The following WDR93 variants were observed in gnomAD, a reference collection of about 807,000 sequenced individuals.
WDR93 encodes WD repeat-containing protein 93.
WDR93 carries 73 observed loss-of-function variants against 82.9 expected under a neutral mutation model. The ratio of observed to expected loss-of-function variants is 0.88; its 90% CI spans 0.73 to 1.07. WDR93 has a LOEUF of 1.07. WDR93 is among the 50% of genes least tolerant of loss of function. The pLI is 0.00. For missense variants in WDR93, 738 were observed against 826.0 expected (o/e 0.89, Z 1.31); for synonymous variants, 283 against 300.1 (o/e 0.94, Z 0.59).
chr15:89,712,900 G>T (rs1042728851), intron 5 of WDR93, among the ~76,000 whole-genome samples: 2 of 152,046 alleles, frequency 1.3e-5, no homozygotes, highest in African/African-American at 4.8e-5. Flanking sequence ...CAAGGCAGGC[G>T]GATCACCTGA....
intron 3 of WDR93, 28 bp downstream of exon 3, chr15:89,703,170 C>A (rs183370937): frequency 1.2e-6 from 2 of 1,612,770 alleles, no homozygotes; most frequent in South Asian, 2.2e-5. Context: ...CCTTTTTAGC[C>A]TCATTTACAG....
intron 8 of WDR93, 113 bp from the exon 9 acceptor site, chr15:89,727,044 A>G (rs1966764858): frequency 8.0e-7 from 1 of 1,251,894 alleles, no homozygotes; most frequent in Admixed American, 2.2e-5. Context: ...GCAAGAATCG[A>G]TTTCTGAGGC....
upstream of WDR93, chr15:89,690,718 C>T (rs942821443): frequency 6.3e-6 from 6 of 958,152 alleles, no homozygotes; most frequent in African/African-American, 6.6e-5. Context: ...ACGGTCAGTC[C>T]CAGGTTATCC....
At position 89,714,622 on chromosome 15, in the gene WDR93, C is replaced by T. The variant is rs561732401; in HGVS notation, c.641-358C>T. On this transcript the variant is annotated intron_variant, in intron 5 of 16. Transcript: ENST00000268130. ...CAGGCGTGAGCCGCCATGCCCGGCC[C>T]CATATTTTTTTTAATGTCAATGGAA... 3.9e-5 allele frequency among the ~76,000 whole-genome samples: 6 copies of T among 152,212 alleles called. No individual in the cohort carries two copies. In the East Asian group the frequency reaches 1.2e-3, roughly 29 times the overall value.
At chr15:89,710,714 AAC>A (rs1167888560) in intron 4 of WDR93, among the ~76,000 whole-genome samples, 1 of 152,248 alleles carries the variant, frequency 6.6e-6, no homozygotes, top group Non-Finnish European at 1.5e-5. Flanking sequence ...GGTGGATTAA[AAC>A]ACATAAAAAT....
chr15:89,716,155 G>A (rs985406486), intron 6 of WDR93, among the ~76,000 whole-genome samples: 13 of 152,182 alleles, frequency 8.5e-5, no homozygotes, highest in Admixed American at 3.3e-4. Flanking sequence ...TCATAATGGA[G>A]TGTAGTCCTA....
At chr15:89,690,792 C>T (rs1286635679), upstream of WDR93, 2 of 562,302 alleles carry the variant, frequency 3.6e-6, no homozygotes, top group Non-Finnish European at 6.3e-6. Flanking sequence ...TGTAGAGCAA[C>T]TTCGCGGACT....
intron 3 of WDR93, 167 bp downstream of exon 3, chr15:89,703,309 T>TGACCC: frequency 2.8e-6 from 2 of 712,340 alleles, no homozygotes; most frequent in Non-Finnish European, 4.6e-6. Context: ...GATACTGTTC[T>TGACCC]ACCATTTCAC....
At chr15:89,728,113 A>C (rs1376054706) in intron 9 of WDR93, among the ~76,000 whole-genome samples, 1 of 152,182 alleles carries the variant, frequency 6.6e-6, no homozygotes, top group Non-Finnish European at 1.5e-5. Flanking sequence ...TAAAAAACAC[A>C]GAAGATCCTA....
intron 16 of WDR93, among the ~76,000 whole-genome samples, chr15:89,740,022 G>C (rs1044464988): frequency 3.9e-5 from 6 of 152,118 alleles, no homozygotes; most frequent in Non-Finnish European, 7.4e-5. Flanking sequence ...TCCTCATTCA[G>C]TCAAAAAACA....
chr15:89,702,146 G>T, intron 2 of WDR93, 97 bp downstream of exon 2: 1 of 1,338,880 alleles, frequency 7.5e-7, no homozygotes, highest in Non-Finnish European at 1.0e-6. Flanking sequence ...CTAGAAAGCT[G>T]CATTCAATAA....
Position 89,715,005 on chromosome 15 carries a change from G to T in WDR93, c.666G>T (p.Val222=). Reference sequence around the variant, plus strand: ...GAGCCGGAGATATTTGGCTGGATGTGTATAAATTGCCCAAGGAGACTTGGC... The same window carrying T: ...GAGCCGGAGATATTTGGCTGGATGTTTATAAATTGCCCAAGGAGACTTGGC... ...LQGAGDIWLD[V]YKLPKETWLK... The change falls in exon 6 of 17, where the codon GTG becomes GTT. Residue 222 remains valine, a synonymous_variant. Coordinates refer to ENST00000268130, the MANE Select transcript of WDR93 (RefSeq NM_020212.2). The T allele has an allele frequency of 3.7e-6, 6 of 1,613,966 alleles. No individual in the cohort carries two copies. Among genetic ancestry groups the T allele is most frequent in the Non-Finnish European group, 5.1e-6 (6 of 1,179,930 alleles).
chr15:89,705,735 G>A (rs1047119423), intron 4 of WDR93, 117 bp downstream of exon 4: 2 of 712,880 alleles, frequency 2.8e-6, no homozygotes, highest in Admixed American at 2.5e-5. Flanking sequence ...GACCTCCATG[G>A]CCAGAGAGCC....
intron 12 of WDR93, among the ~76,000 whole-genome samples, 162 bp from the exon 13 acceptor site, chr15:89,732,844 T>C (rs1004607089): frequency 6.6e-6 from 1 of 152,174 alleles, no homozygotes; most frequent in African/African-American, 2.4e-5. Context: ...TTCTCTCCCA[T>C]TGGGCACTAG....
In WDR93 at chr15:89,715,984, A is replaced by G. The variant is rs1966233199; in HGVS notation, c.756+889A>G. Among the ~76,000 whole-genome samples the G allele has an allele frequency of 2.6e-5, 4 of 152,250 alleles. No homozygotes were observed. The South Asian group carries it at 8.3e-4, about 31-fold the overall frequency. ...TTATTTTTACTTTTAAACCACCAAC[A>G]TTAATATATTAATATTAACTGAGCA... On this transcript the variant is annotated intron_variant, in intron 6 of 16. Coordinates refer to ENST00000268130, the MANE Select transcript of WDR93 (RefSeq NM_020212.2).
rs1285694676 is a variant in WDR93, at chr15:89,727,231, C to T, written c.955C>T (p.His319Tyr). ...CTACGGACTGGGCTCCGGGCAGAAT[C>T]ATTTCATCAAGGACAGTCAGTGGGA... ...DCYGLGSGQN[H>Y]FIKDSQWEQQ... Residue 319 changes from histidine to tyrosine, a missense_variant, in exon 9 of 17, where the codon CAT (histidine) becomes TAT (tyrosine). Transcript: ENST00000268130. 1 of 1,614,152 alleles carries T rather than the reference C, an allele frequency of 6.2e-7. No homozygotes were observed.
intron 4 of WDR93, among the ~76,000 whole-genome samples, chr15:89,708,304 C>T (rs908320230): frequency 1.4e-4 from 22 of 152,202 alleles, no homozygotes; most frequent in African/African-American, 5.3e-4. Flanking sequence ...AATTTCTGCT[C>T]ATCGAAAGAT....
At chr15:89,734,480 A>G (rs916385097) in intron 13 of WDR93, among the ~76,000 whole-genome samples, 10 of 152,192 alleles carry the variant, frequency 6.6e-5, no homozygotes, top group Non-Finnish European at 1.5e-4. Context: ...GAGGGCAACC[A>G]TAGCACACAA....
intron 6 of WDR93, among the ~76,000 whole-genome samples, chr15:89,715,665 C>T (rs1444532161): frequency 1.3e-5 from 2 of 152,072 alleles, no homozygotes; most frequent in African/African-American, 4.8e-5. Flanking sequence ...CTCACTGCAA[C>T]CTCTGCCTCC....
Sources: allele counts gnomAD v4.1 joint callset (sites outside exome capture counted in the v4.1 genomes callset), GRCh38; gene constraint gnomAD v4.1.1; transcripts MANE v1.5; gene names NCBI Gene and HGNC (gene_info 2026-07-23, HGNC 2026-07-21).